Variants in ANKRD17 observed in about 807,000 individuals in gnomAD.
ANKRD17 encodes the protein ankyrin repeat domain-containing protein 17.
Under a neutral mutation model 229.7 loss-of-function variants are expected in ANKRD17, and 19 were observed. That is an observed-to-expected ratio of 0.08 (90% CI 0.06 to 0.12). ANKRD17 has a LOEUF of 0.12. ANKRD17 is among the 10% of genes least tolerant of loss of function. The probability of loss-of-function intolerance (pLI) is 1.00; values close to 1 mark genes in which losing one functional copy is unlikely to be tolerated. For missense variants in ANKRD17, 2,176 were observed against 3,176.8 expected (o/e 0.68, Z 7.57); for synonymous variants, 1,112 against 1,146.1 (o/e 0.97, Z 0.60).
intron 2 of ANKRD17, among the ~76,000 whole-genome samples, chr4:73,163,834 T>C (rs1364391241): frequency 6.6e-6 from 1 of 152,226 alleles, no homozygotes; most frequent in African/African-American, 2.4e-5. Flanking sequence ...ATTAGTACTT[T>C]TAGATATATT....
At chr4:73,180,531 T>G (rs1448344379) in intron 1 of ANKRD17, among the ~76,000 whole-genome samples, 2 of 152,200 alleles carry the variant, frequency 1.3e-5, no homozygotes, top group Non-Finnish European at 2.9e-5. Context: ...TCTACTGACT[T>G]TAAGCTTCTC....
chr4:73,215,729 T>A (rs1388734183), intron 1 of ANKRD17, among the ~76,000 whole-genome samples: 1 of 152,226 alleles, frequency 6.6e-6, no homozygotes, highest in South Asian at 2.1e-4. Context: ...GATTCCACAC[T>A]GCAACTAACC....
At chr4:73,150,895 G>A (rs900570668) in intron 7 of ANKRD17, among the ~76,000 whole-genome samples, 3 of 152,150 alleles carry the variant, frequency 2.0e-5, no homozygotes, top group Non-Finnish European at 4.4e-5. Context: ...AAAAGACCTC[G>A]AGAGAGGGGA....
intron 2 of ANKRD17, among the ~76,000 whole-genome samples, chr4:73,171,186 A>AGAGAGAGAGG (rs2148963416): frequency 7.2e-6 from 1 of 138,676 alleles, no homozygotes; most frequent in South Asian, 2.3e-4. Context: ...GGGGAGAGAG[A>AGAGAGAGAGG]GAGAGAGAGA....
chr4:73,235,488 A>T lies in ANKRD17; in HGVS notation c.393+22788T>A, dbSNP rs139557121. On this transcript the variant is annotated intron_variant, in intron 1 of 33. Transcript: ENST00000358602. Reference sequence around the variant, plus strand: ...TAATGAGGTCCTTTTGTTCCTCTTAAGGGTAGTTTGACTAATATAATAACA... The same window carrying T: ...TAATGAGGTCCTTTTGTTCCTCTTATGGGTAGTTTGACTAATATAATAACA... Among the ~76,000 whole-genome samples the T allele has an allele frequency of 2.4e-3, 370 of 152,346 alleles. 1 individual carries two copies. The highest frequency in any genetic ancestry group is 8.3e-3 in the African/African-American group (347 of 41,590).
intron 1 of ANKRD17, among the ~76,000 whole-genome samples, chr4:73,239,575 T>A (rs1278320170): frequency 6.6e-6 from 1 of 152,168 alleles, no homozygotes; most frequent in Non-Finnish European, 1.5e-5. Context: ...CAAAATTACA[T>A]AGATATATCT....
In ANKRD17 at chr4:73,170,452, T is replaced by C. The variant is rs142277542; in HGVS notation, c.547+6928A>G. Among the ~76,000 whole-genome samples the C allele has an allele frequency of 3.1e-4, 46 of 150,624 alleles. 1 individual carries two copies. In the East Asian group the frequency reaches 8.1e-3, roughly 26 times the overall value. ...CCAAGTAGTATGCCACCTGCCTTGG[T>C]TGAGATTCTGAGATGTGCTGGCTTC... On this transcript the variant is annotated intron_variant, in intron 2 of 33. Transcript: ENST00000358602.
intron 25 of ANKRD17, chr4:73,100,705 C>T (rs1723869211): frequency 1.2e-5 from 4 of 337,944 alleles, no homozygotes. Flanking sequence ...AGACACAACC[C>T]ATGTGTGCCA....
At chr4:73,082,674 A>G (rs946211788) in intron 30 of ANKRD17, among the ~76,000 whole-genome samples, 2 of 152,206 alleles carry the variant, frequency 1.3e-5, no homozygotes, top group African/African-American at 4.8e-5. Flanking sequence ...TAGGAAATAA[A>G]AATAAAAGGC....
intron 31 of ANKRD17, 48 bp downstream of exon 31, chr4:73,078,594 G>A (rs200187774): frequency 4.0e-4 from 627 of 1,574,260 alleles, no homozygotes; most frequent in Non-Finnish European, 5.0e-4. Flanking sequence ...TTACATTATA[G>A]TTAAATGCAT....
At chr4:73,193,259 G>A (rs1737375889) in intron 1 of ANKRD17, among the ~76,000 whole-genome samples, 1 of 152,114 alleles carries the variant, frequency 6.6e-6, no homozygotes, top group Non-Finnish European at 1.5e-5. Context: ...CTTTTTAATG[G>A]TGAACAGTAC....
intron 27 of ANKRD17, 120 bp from the exon 28 acceptor site, chr4:73,094,348 A>G: frequency 1.1e-6 from 1 of 900,366 alleles, no homozygotes; most frequent in South Asian, 1.9e-5. Flanking sequence ...TTGTTGAATA[A>G]GCCTCTTCTA....
chr4:73,090,845 G>C lies in ANKRD17; in HGVS notation c.6783C>G (p.Ser2261Arg). 3 of 1,614,246 alleles carry C rather than the reference G, an allele frequency of 1.9e-6. No individual in the cohort carries two copies. Among genetic ancestry groups the C allele is most frequent in the South Asian group, 1.1e-5 (1 of 91,082 alleles). The change falls in exon 29 of 34, where the codon AGC becomes AGG. Residue 2261 changes from serine (S) to arginine (R), a missense_variant. By Grantham distance (110) the Ser-to-Arg change is moderately radical (BLOSUM62 -1). Around this residue, in one of 18 missense-constraint regions of ANKRD17, gnomAD observed 424 missense variants for 454.0 expected, o/e 0.93. Coordinates refer to ENST00000358602, the MANE Select transcript of ANKRD17 (RefSeq NM_032217.5). ...CCCAGAAGGCATGAGCAGAAGTAGG[G>C]CTGTTTTCAAACAATGTGCTAAAGG... ...FGPFSTLFEN[S>R]PTSAHAFWGG...
At chr4:73,159,246 T>A (rs1486565453) in intron 3 of ANKRD17, among the ~76,000 whole-genome samples, 1 of 152,232 alleles carries the variant, frequency 6.6e-6, no homozygotes, top group Admixed American at 6.5e-5. Flanking sequence ...TTAGAACAAA[T>A]CCTTCCCATA....
At chr4:73,184,041 G>A (rs1046097420) in intron 1 of ANKRD17, among the ~76,000 whole-genome samples, 9 of 152,044 alleles carry the variant, frequency 5.9e-5, no homozygotes, top group African/African-American at 1.9e-4. Context: ...TGTCATTAAC[G>A]GTAATTCAAA....
At chr4:73,164,138 G>A (rs1011366606) in intron 2 of ANKRD17, among the ~76,000 whole-genome samples, 1 of 152,072 alleles carries the variant, frequency 6.6e-6, no homozygotes, top group African/African-American at 2.4e-5. Flanking sequence ...GCACTATTGA[G>A]ATCAACATCA....
At chr4:73,133,035 T>C (rs1392794972) in intron 16 of ANKRD17, among the ~76,000 whole-genome samples, 1 of 151,964 alleles carries the variant, frequency 6.6e-6, no homozygotes, top group African/African-American at 2.4e-5. Flanking sequence ...TCACCTGAGG[T>C]CAACGAGTTT....
rs758880182 is a variant in ANKRD17, at chr4:73,091,027, C to T, written c.6601G>A (p.Ala2201Thr). 18 of 1,614,176 alleles carry T rather than the reference C, an allele frequency of 1.1e-5. 1 individual carries two copies. In the South Asian group the frequency reaches 1.9e-4, roughly 17 times the overall value. Residue 2201 changes from alanine (A) to threonine (T), a missense_variant, in exon 29 of 34, where the codon GCA becomes ACA. This residue lies in a region of ANKRD17 where 424 missense variants were observed against 454.0 expected (regional missense o/e 0.93). Transcript: ENST00000358602. ...TTAATGTGATTGACACTGAGGACTG[C>T]AACAGATGAATTTTGCACTGAAGCT... ...NSASVQNSSVAVLSVNHIKRP... is the reference protein window; with the variant it reads ...NSASVQNSSVTVLSVNHIKRP...
intron 2 of ANKRD17, among the ~76,000 whole-genome samples, chr4:73,175,206 A>G (rs1734568805): frequency 6.6e-6 from 1 of 152,176 alleles, no homozygotes; most frequent in Admixed American, 6.5e-5. Flanking sequence ...CAGAAGGTGA[A>G]GAGGAATCAA....
Sources: gnomAD v4.1 joint callset for allele counts (sites outside exome capture counted in the v4.1 genomes callset) on GRCh38, gnomAD v4.1.1 for gene constraint, gnomAD v4.1.1 regional missense constraint, MANE v1.5 for transcripts, NCBI Gene and HGNC (gene_info 2026-07-23, HGNC 2026-07-21) for gene names.